Variants in ATP10B observed in about 807,000 individuals in gnomAD.
ATP10B encodes the protein phospholipid-transporting ATPase VB.
Under a neutral mutation model 141.2 loss-of-function variants are expected in ATP10B, and 122 were observed. That is an observed-to-expected ratio of 0.86 (90% confidence interval 0.75 to 1.00). The LOEUF is 1.00. Among genes scored for constraint, ATP10B ranks in the 50% least tolerant of loss-of-function variants. The pLI is 0.00. For missense variants in ATP10B, 1,876 were observed against 1,825.3 expected, an observed-to-expected ratio of 1.03 and a Z score of -0.51; for synonymous variants, 685 against 692.0, an observed-to-expected ratio of 0.99 and a Z score of 0.16.
In ATP10B at chr5:160,670,598, G is replaced by T; in HGVS notation, c.540C>A (p.Cys180Ter). Residue 180 changes from cysteine (C) to a stop codon, truncating the protein, a stop_gained, in exon 7 of 26, where the codon TGC (cysteine) becomes TGA (stop). Transcript: ENST00000327245. LOFTEE classifies it high-confidence loss of function. ...VRVGDFIQMK[C>*]NEIVPADILL... Reference sequence around the variant, plus strand: ...GTATGTCTGCTGGGACAATCTCATTGCATTTCATTTGGATGAAGTCTCCCA... The same window carrying T: ...GTATGTCTGCTGGGACAATCTCATTTCATTTCATTTGGATGAAGTCTCCCA... 6.2e-7 allele frequency: 1 copy of T among 1,613,902 alleles called. No homozygotes were observed.
the ATP10B span, among the ~76,000 whole-genome samples, chr5:160,894,144 C>T: frequency 2.0e-5 from 3 of 152,004 alleles, no homozygotes; most frequent in African/African-American, 7.3e-5. Flanking sequence ...TCTTCTCCTC[C>T]AAAGGATCAC....
chr5:160,737,645 A>G (rs1036905364), intron 2 of ATP10B, among the ~76,000 whole-genome samples: 8 of 152,296 alleles, frequency 5.3e-5, no homozygotes, highest in Admixed American at 2.0e-4. Flanking sequence ...CCTATTTATA[A>G]TAGCCACAAA....
chr5:160,685,920 C>A (rs1763719802), intron 6 of ATP10B, among the ~76,000 whole-genome samples, 159 bp downstream of exon 6: 1 of 152,058 alleles, frequency 6.6e-6, no homozygotes, highest in African/African-American at 2.4e-5. Flanking sequence ...TCAGACATTA[C>A]TAAATGCCCA....
rs529209105 is a variant in ATP10B at position 160,809,167 on chromosome 5, A to C, written c.-575-23364T>G. On this transcript the variant is annotated intron_variant, in intron 1 of 25. Transcript: ENST00000327245. ...CTACATAGTAAAAATTTTAGGCTTT[A>C]TAGGCACTAGTTGTTCTCTGTAGCT... 3.0e-4 allele frequency among the ~76,000 whole-genome samples: 45 copies of C among 152,330 alleles called. No individual in the cohort carries two copies. The South Asian group carries it at 8.5e-3, about 29-fold the overall frequency.
chr5:160,886,173 A>G, the ATP10B span, among the ~76,000 whole-genome samples: 1 of 152,232 alleles, frequency 6.6e-6, no homozygotes, highest in Non-Finnish European at 1.5e-5. Flanking sequence ...GTTGCCACAA[A>G]CACAAGTTTT....
intron 19 of ATP10B, 33 bp from the exon 20 acceptor site, chr5:160,604,074 T>G: frequency 6.4e-7 from 1 of 1,551,016 alleles, no homozygotes; most frequent in East Asian, 2.2e-5. Flanking sequence ...TCTTTATTTT[T>G]GGTCCAACTG....
chr5:160,598,701 C>T, intron 22 of ATP10B, 69 bp downstream of exon 22: 1 of 1,422,026 alleles, frequency 7.0e-7, no homozygotes, highest in East Asian at 2.3e-5. Flanking sequence ...TTCTCTGATG[C>T]CTCCAGAGGG....
chr5:160,589,002 C>T (rs1453045091), intron 24 of ATP10B, among the ~76,000 whole-genome samples: 2 of 152,040 alleles, frequency 1.3e-5, no homozygotes, highest in East Asian at 3.9e-4. Context: ...CTGAAACACG[C>T]CTGAACTGTT....
intron 3 of ATP10B, among the ~76,000 whole-genome samples, chr5:160,707,475 A>G (rs775606216): frequency 6.6e-6 from 1 of 152,204 alleles, no homozygotes; most frequent in Non-Finnish European, 1.5e-5. Flanking sequence ...GGTTATTATA[A>G]AACTCATTAA....
At chr5:160,661,519 C>T (rs1487201746) in intron 7 of ATP10B, among the ~76,000 whole-genome samples, 3 of 152,034 alleles carry the variant, frequency 2.0e-5, no homozygotes, top group Non-Finnish European at 2.9e-5. Flanking sequence ...TGAAGATCTG[C>T]TTCAAAATAA....
At chr5:160,874,541 T>A in the ATP10B span, among the ~76,000 whole-genome samples, 1 of 152,080 alleles carries the variant, frequency 6.6e-6, no homozygotes, top group East Asian at 1.9e-4. Flanking sequence ...GGAGAATGAC[T>A]TTGACGAGCT....
intron 2 of ATP10B, among the ~76,000 whole-genome samples, chr5:160,778,608 C>A (rs1486003580): frequency 6.6e-6 from 1 of 152,112 alleles, no homozygotes. Flanking sequence ...CAGCTCTGGG[C>A]AAGACAATCC....
chr5:160,912,100 G>A, the ATP10B span, among the ~76,000 whole-genome samples: 5 of 152,122 alleles, frequency 3.3e-5, no homozygotes, highest in African/African-American at 9.7e-5. Flanking sequence ...TGTGTGAGAA[G>A]TGGCTGTGGG....
chr5:160,669,927 A>AAAAAAAAAAAAAAAAAAAAAAAC (rs1762571848), intron 7 of ATP10B, among the ~76,000 whole-genome samples: 1 of 151,166 alleles, frequency 6.6e-6, no homozygotes, highest in African/African-American at 2.4e-5. Flanking sequence ...TTAAAAAAAA[A>AAAAAAAAAAAAAAAAAAAAAAAC]AAGATATCAG....
At chr5:160,665,280 A>G (rs1327117174) in intron 7 of ATP10B, among the ~76,000 whole-genome samples, 1 of 152,222 alleles carries the variant, frequency 6.6e-6, no homozygotes, top group East Asian at 1.9e-4. Context: ...TTTAATGTTT[A>G]TAATTTCATT....
intron 18 of ATP10B, among the ~76,000 whole-genome samples, chr5:160,609,405 G>C (rs1305176660): frequency 6.7e-6 from 1 of 149,296 alleles, no homozygotes; most frequent in Non-Finnish European, 1.5e-5. Context: ...TTGAGGCAGA[G>C]TCTCACTCTG....
intron 1 of ATP10B, among the ~76,000 whole-genome samples, chr5:160,814,928 C>A (rs1451206762): frequency 2.6e-5 from 4 of 152,116 alleles, no homozygotes; most frequent in African/African-American, 9.7e-5. Context: ...TACAGAGAAG[C>A]AAATGCTGAG....
At chr5:160,897,979 A>C in the ATP10B span, among the ~76,000 whole-genome samples, 1 of 152,192 alleles carries the variant, frequency 6.6e-6, no homozygotes, top group African/African-American at 2.4e-5. Context: ...GGGCAAACTG[A>C]CTAGCCATAT....
intron 23 of ATP10B, among the ~76,000 whole-genome samples, chr5:160,590,386 A>C (rs1756205632): frequency 6.6e-6 from 1 of 152,172 alleles, no homozygotes; most frequent in Admixed American, 6.6e-5. Flanking sequence ...TTATGAAAGA[A>C]TATGAGCCCA....
Sources: gnomAD v4.1 joint callset for allele counts (sites outside exome capture counted in the v4.1 genomes callset) on GRCh38, gnomAD v4.1.1 for gene constraint, MANE v1.5 for transcripts, NCBI Gene and HGNC (gene_info 2026-07-23, HGNC 2026-07-21) for gene names.